SPMIP2: variants seen among roughly 807,000 people sequenced by gnomAD.
SPMIP2 encodes sperm microtubule inner protein 2, also known as protein SPMIP2.
chr4:159,063,748 A>G, the SPMIP2 span, among the ~76,000 whole-genome samples: 1 of 152,186 alleles, frequency 6.6e-6, no homozygotes, highest in African/African-American at 2.4e-5. Context: ...ACTATATATT[A>G]TTAATGAGTT....
the SPMIP2 span, among the ~76,000 whole-genome samples, chr4:159,024,638 CT>C: frequency 1.3e-5 from 2 of 152,138 alleles, no homozygotes; most frequent in African/African-American, 2.4e-5. Context: ...TCTTTCTATT[CT>C]TTCTGAATGA....
chr4:158,959,790 T>C, the SPMIP2 span, among the ~76,000 whole-genome samples: 2 of 152,164 alleles, frequency 1.3e-5, no homozygotes, highest in Admixed American at 1.3e-4. Context: ...GAGCTACCCA[T>C]GTTTCATTTG....
At chr4:158,969,092 CACCCA>C in the SPMIP2 span, among the ~76,000 whole-genome samples, 1 of 152,072 alleles carries the variant, frequency 6.6e-6, no homozygotes. Flanking sequence ...TTTGGGGTCA[CACCCA>C]TGAAAAGTGA....
At chr4:159,021,417 A>G in the SPMIP2 span, among the ~76,000 whole-genome samples, 4 of 152,246 alleles carry the variant, frequency 2.6e-5, no homozygotes, top group Non-Finnish European at 5.9e-5. Context: ...CAGCTTCTCC[A>G]TGCTGGTGCT....
At chr4:158,966,609 A>C in the SPMIP2 span, among the ~76,000 whole-genome samples, 2 of 152,194 alleles carry the variant, frequency 1.3e-5, no homozygotes, top group Non-Finnish European at 2.9e-5. Flanking sequence ...AAAATCTGTG[A>C]CATATCCTTA....
At chr4:158,930,073 C>T in the SPMIP2 span, among the ~76,000 whole-genome samples, 1 of 152,180 alleles carries the variant, frequency 6.6e-6, no homozygotes, top group Non-Finnish European at 1.5e-5. Context: ...CAAATTTCTG[C>T]ATACATAGAA....
At chr4:159,043,050 T>C in the SPMIP2 span, among the ~76,000 whole-genome samples, 1 of 152,226 alleles carries the variant, frequency 6.6e-6, no homozygotes, top group Non-Finnish European at 1.5e-5. Flanking sequence ...TATTCTTTGC[T>C]CCTCGTGAAT....
the SPMIP2 span, among the ~76,000 whole-genome samples, chr4:158,930,456 T>C: frequency 2.0e-5 from 3 of 151,436 alleles, no homozygotes; most frequent in African/African-American, 4.9e-5. Flanking sequence ...GATCCACCCA[T>C]ATCAGCCTCC....
At chr4:158,935,677 C>T in the SPMIP2 span, among the ~76,000 whole-genome samples, 1 of 152,174 alleles carries the variant, frequency 6.6e-6, no homozygotes, top group Non-Finnish European at 1.5e-5. Flanking sequence ...TTTCCTTAAA[C>T]ATTGTTGGTT....
chr4:158,948,335 T>C, the SPMIP2 span, among the ~76,000 whole-genome samples: 17,949 of 152,110 alleles, frequency 0.12, 2,034 homozygotes, highest in African/African-American at 0.3. Context: ...TTTGAGTACA[T>C]AGATGCCTGA....
the SPMIP2 span, among the ~76,000 whole-genome samples, chr4:158,909,150 G>T: frequency 3.3e-5 from 5 of 151,966 alleles, no homozygotes; most frequent in Non-Finnish European, 7.4e-5. Flanking sequence ...AATAAAGGGG[G>T]CATTACAAAA....
the SPMIP2 span, among the ~76,000 whole-genome samples, chr4:158,908,455 A>G: frequency 6.6e-6 from 1 of 152,358 alleles, no homozygotes; most frequent in African/African-American, 2.4e-5. Context: ...CAGGAATGCA[A>G]TTGTTGTATA....
At chr4:158,966,705 A>G in the SPMIP2 span, among the ~76,000 whole-genome samples, 152,155 of 152,376 alleles carry the variant, frequency 1, 75,969 homozygotes, top group East Asian at 1. Context: ...AAGCCTTAAC[A>G]AGAGTTCATA....
At chr4:158,983,782 A>AAT in the SPMIP2 span, among the ~76,000 whole-genome samples, 1 of 982 alleles carries the variant, frequency 1.0e-3, no homozygotes, top group African/African-American at 3.4e-3. Flanking sequence ...AGGACCAAAC[A>AAT]CACACATAAC....
the SPMIP2 span, chr4:159,038,522 C>G: frequency 6.6e-6 from 1 of 152,004 alleles, no homozygotes; most frequent in African/African-American, 2.4e-5. Flanking sequence ...AGCTAACATT[C>G]TAAAGAAACA....
chr4:158,921,062 C>A, the SPMIP2 span, among the ~76,000 whole-genome samples: 4 of 152,140 alleles, frequency 2.6e-5, no homozygotes, highest in South Asian at 2.1e-4. Flanking sequence ...ATAGAAAGAA[C>A]CTACGTTGAA....
At chr4:159,016,090 TA>T in the SPMIP2 span, among the ~76,000 whole-genome samples, 1 of 152,230 alleles carries the variant, frequency 6.6e-6, no homozygotes, top group African/African-American at 2.4e-5. Context: ...ACACAAGTTT[TA>T]AAAGTTAGAA....
the SPMIP2 span, among the ~76,000 whole-genome samples, chr4:158,977,606 T>TTTTTTTC: frequency 7.9e-6 from 1 of 126,676 alleles, no homozygotes; most frequent in Non-Finnish European, 1.6e-5. Context: ...AGTTCTTTTT[T>TTTTTTTC]TTTTTTTTTT....
chr4:159,053,982 A>AT, the SPMIP2 span, among the ~76,000 whole-genome samples: 1 of 151,792 alleles, frequency 6.6e-6, no homozygotes, highest in Admixed American at 6.6e-5. Context: ...TCAGCAATTC[A>AT]TTTTTTAAAG....
Sources: allele counts gnomAD v4.1 joint callset (sites outside exome capture counted in the v4.1 genomes callset), GRCh38; gene constraint gnomAD v4.1.1; transcripts MANE v1.5; gene names NCBI Gene and HGNC (gene_info 2026-07-23, HGNC 2026-07-21).